Variants in STIM2 observed in about 807,000 individuals in gnomAD.
STIM2 encodes stromal interaction molecule 2.
In STIM2, 31 loss-of-function variants were observed where a neutral mutation model predicts 85.8. The ratio of observed to expected loss-of-function variants is 0.36; its 90% confidence interval spans 0.27 to 0.49. STIM2 has a LOEUF of 0.49. Ranked by LOEUF, STIM2 falls within the 20% of genes least tolerant of loss-of-function variation. The probability of loss-of-function intolerance (pLI) is 0.98; values close to 1 mark genes in which losing one functional copy is unlikely to be tolerated. For synonymous variants in STIM2, 356 were observed against 331.1 expected (o/e 1.08, Z -0.82); for missense variants, 841 against 927.6 (o/e 0.91, Z 1.21).
In STIM2 at chr4:27,003,122, A is replaced by G; in HGVS notation, c.981+18A>G. On this transcript the variant is annotated intron_variant, in intron 7 of 11. Transcript: ENST00000467087. ...TGGAACAGGTATTTACATTAAAAAA[A>G]AAATCACTTGTAAAGATGTTAACAT... The G allele has an allele frequency of 6.4e-7, 1 of 1,552,404 alleles. No homozygotes were observed. Among genetic ancestry groups the G allele is most frequent in the East Asian group, 2.4e-5 (1 of 41,292 alleles).
intron 1 of STIM2, among the ~76,000 whole-genome samples, chr4:26,877,103 C>T (rs763289624): frequency 4.6e-5 from 7 of 151,970 alleles, no homozygotes; most frequent in East Asian, 3.9e-4. Context: ...CCTTTGCTTT[C>T]TCTATTCTCC....
intron 1 of STIM2, chr4:26,873,802 G>T: frequency 1.2e-6 from 1 of 845,576 alleles, no homozygotes; most frequent in South Asian, 1.3e-5. Context: ...GGGGTAAGGG[G>T]CTCTACAAGG....
chr4:26,905,828 T>C (rs1349317293), intron 1 of STIM2, among the ~76,000 whole-genome samples: 1 of 152,190 alleles, frequency 6.6e-6, no homozygotes, highest in Non-Finnish European at 1.5e-5. Flanking sequence ...GCATTACTTT[T>C]AGTTCACACA....
chr4:26,988,209 A>G (rs1478652910), intron 3 of STIM2, among the ~76,000 whole-genome samples: 2 of 152,234 alleles, frequency 1.3e-5, no homozygotes, highest in Non-Finnish European at 2.9e-5. Context: ...CTAAGAACTC[A>G]TCATCCAGAG....
chr4:26,890,548 T>C (rs1337004675), intron 1 of STIM2, among the ~76,000 whole-genome samples: 1 of 151,800 alleles, frequency 6.6e-6, no homozygotes, highest in Non-Finnish European at 1.5e-5. Flanking sequence ...AAAAGGAGAG[T>C]ACTCGGTGGC....
chr4:26,908,624 C>T (rs1229301556), intron 1 of STIM2, among the ~76,000 whole-genome samples: 2 of 152,192 alleles, frequency 1.3e-5, no homozygotes, highest in African/African-American at 4.8e-5. Flanking sequence ...GCTGGGATTA[C>T]AGGCACATGC....
Position 26,861,454 on chromosome 4 carries a change from C to G in STIM2, c.151+85C>G, listed in dbSNP as rs1397756245. ...TGCAGAGGTCAGCATCTCCGCCGGACGTCCGCTATTCCGCGGCTCCGGCCA... is the reference window on the plus strand; with the variant it reads ...TGCAGAGGTCAGCATCTCCGCCGGAGGTCCGCTATTCCGCGGCTCCGGCCA... On this transcript the variant is annotated intron_variant, in intron 1 of 11. Coordinates refer to ENST00000467087, the MANE Select transcript of STIM2 (RefSeq NM_020860.4). The G allele has an allele frequency of 2.6e-5, 32 of 1,236,696 alleles. 1 individual carries two copies. In the South Asian group the frequency reaches 9.1e-4, roughly 35 times the overall value. 76.6% of individuals were successfully genotyped at this position (1,236,696 alleles called of 1,614,324 possible).
Position 27,018,004 on chromosome 4 carries a change from T to C in STIM2, c.1763+20T>C. On this transcript the variant is annotated intron_variant, in intron 11 of 11. Coordinates refer to ENST00000467087, the MANE Select transcript of STIM2 (RefSeq NM_020860.4). Reference sequence around the variant, plus strand: ...GCAATGGTATTGGCAGTGAATAATCTACAGGGCATGTTGGGGCTGGGTTGG... The same window carrying C: ...GCAATGGTATTGGCAGTGAATAATCCACAGGGCATGTTGGGGCTGGGTTGG... 7 of 1,612,406 alleles carry C rather than the reference T, an allele frequency of 4.3e-6. No individual in the cohort carries two copies. Among genetic ancestry groups the C allele is most frequent in the Non-Finnish European group, 5.9e-6 (7 of 1,178,758 alleles).
chr4:26,907,451 G>C (rs766476824), intron 1 of STIM2, among the ~76,000 whole-genome samples: 1 of 152,114 alleles, frequency 6.6e-6, no homozygotes, highest in African/African-American at 2.4e-5. Context: ...TTTGCAGGCT[G>C]TTAACAAGTA....
intron 1 of STIM2, among the ~76,000 whole-genome samples, chr4:26,879,918 A>G (rs1722941388): frequency 6.6e-6 from 1 of 151,930 alleles, no homozygotes; most frequent in Non-Finnish European, 1.5e-5. Flanking sequence ...TTCTATTTTC[A>G]TTGCCATCAC....
chr4:26,897,228 C>A (rs1723740835), intron 1 of STIM2, among the ~76,000 whole-genome samples: 1 of 152,190 alleles, frequency 6.6e-6, no homozygotes, highest in African/African-American at 2.4e-5. Flanking sequence ...GTGGCAGTAT[C>A]ATTTTACATT....
intron 1 of STIM2, among the ~76,000 whole-genome samples, chr4:26,891,558 T>TACATACAC (rs1487173680): frequency 6.9e-6 from 1 of 144,540 alleles, no homozygotes; most frequent in Non-Finnish European, 1.5e-5. Flanking sequence ...TATACATACA[T>TACATACAC]ACACACACAC....
chr4:26,957,911 G>A (rs1434159854), intron 3 of STIM2, among the ~76,000 whole-genome samples, 185 bp downstream of exon 3: 1 of 152,068 alleles, frequency 6.6e-6, no homozygotes, highest in Non-Finnish European at 1.5e-5. Flanking sequence ...CTTTCTGAGA[G>A]TCATTAAGCA....
intron 1 of STIM2, among the ~76,000 whole-genome samples, chr4:26,904,427 G>C (rs1724046741): frequency 6.6e-6 from 1 of 152,162 alleles, no homozygotes; most frequent in African/African-American, 2.4e-5. Flanking sequence ...AGAGGTGACT[G>C]AGAAGGAGCA....
At chr4:27,004,114 G>C (rs1728252508) in intron 7 of STIM2, among the ~76,000 whole-genome samples, 1 of 152,194 alleles carries the variant, frequency 6.6e-6, no homozygotes, top group Non-Finnish European at 1.5e-5. Context: ...CAAATTAAGT[G>C]ATGAATGACA....
intron 1 of STIM2, among the ~76,000 whole-genome samples, chr4:26,895,177 A>T (rs1723653832): frequency 3.3e-5 from 5 of 152,262 alleles, no homozygotes; most frequent in Admixed American, 2.6e-4. Context: ...GCGCCACTGC[A>T]CTCCAGCCTA....
At position 26,889,891 on chromosome 4, in the gene STIM2, C is replaced by A. The variant is rs182501598; in HGVS notation, c.151+28522C>A. 2.5e-3 allele frequency among the ~76,000 whole-genome samples: 381 copies of A among 152,246 alleles called. 1 individual carries two copies. Among genetic ancestry groups the A allele is most frequent in the Non-Finnish European group, 2.6e-3 (175 of 68,008 alleles). ...GACACAGATTCCTTCACATTTTTTG[C>A]CCAAAGAGGTCTATCTACATTATTT... On this transcript the variant is annotated intron_variant, in intron 1 of 11. Transcript: ENST00000467087.
intron 3 of STIM2, among the ~76,000 whole-genome samples, chr4:26,960,653 C>G (rs1163877709): frequency 1.3e-5 from 2 of 152,156 alleles, no homozygotes; most frequent in Non-Finnish European, 2.9e-5. Flanking sequence ...TTCTTAAAAA[C>G]TTAACGTTTT....
At chr4:26,988,927 T>G (rs1727671169) in intron 3 of STIM2, among the ~76,000 whole-genome samples, 1 of 152,186 alleles carries the variant, frequency 6.6e-6, no homozygotes, top group Admixed American at 6.5e-5. Flanking sequence ...TAGAAACAGT[T>G]TAAATGAAAT....
Sources: allele counts gnomAD v4.1 joint callset (sites outside exome capture counted in the v4.1 genomes callset), GRCh38; gene constraint gnomAD v4.1.1; transcripts MANE v1.5; gene names NCBI Gene and HGNC (gene_info 2026-07-23, HGNC 2026-07-21).